PRKN: variants seen among roughly 807,000 people sequenced by gnomAD.
PRKN encodes parkin RBR E3 ubiquitin protein ligase.
A neutral mutation model predicts 59.5 loss-of-function variants in PRKN; 56 were observed. The ratio of observed to expected loss-of-function variants is 0.94; its 90% CI spans 0.76 to 1.18. The LOEUF is 1.18. Ranked by LOEUF, PRKN falls within the 50% of genes most tolerant of loss-of-function variation. The pLI is 0.00. For synonymous variants in PRKN, 250 were observed against 222.1 expected (o/e 1.13, Z -1.12); for missense variants, 657 against 596.4 (o/e 1.10, Z -1.06).
At chr6:161,959,303 C>T (rs1583406438) in intron 6 of PRKN, among the ~76,000 whole-genome samples, 1 of 152,150 alleles carries the variant, frequency 6.6e-6, no homozygotes, top group East Asian at 1.9e-4. Context: ...CACCGAGAGG[C>T]TGAGCGAGCT....
chr6:162,648,923 T>A (rs1778306472), intron 1 of PRKN, among the ~76,000 whole-genome samples: 1 of 152,086 alleles, frequency 6.6e-6, no homozygotes, highest in African/African-American at 2.4e-5. Context: ...CTAAAAAACT[T>A]GGGGGTCCTC....
Position 161,760,175 on chromosome 6 carries a change from T to C in PRKN, c.871+25597A>G, listed in dbSNP as rs942653159. On this transcript the variant is annotated intron_variant, in intron 7 of 11. Transcript: ENST00000366898. The stretch of plus-strand genomic sequence containing the variant: ...TACCCTTTTCCTCAATTTAATTAGT[T>C]AGTGTCACTCACACTTTAACTGGGA... Among the ~76,000 whole-genome samples the C allele has an allele frequency of 3.0e-5, 3 of 99,578 alleles. No homozygotes were observed. In the South Asian group the frequency reaches 9.2e-4, roughly 30 times the overall value. The allele number at this position is 99,578 out of a possible 152,430, so 65.3% of individuals were successfully genotyped here.
chr6:162,017,332 T>C (rs1293416943), intron 5 of PRKN, among the ~76,000 whole-genome samples: 2 of 152,100 alleles, frequency 1.3e-5, no homozygotes, highest in African/African-American at 4.8e-5. Flanking sequence ...CATGTACATG[T>C]TACAATGAGG....
intron 1 of PRKN, among the ~76,000 whole-genome samples, chr6:162,508,929 G>A (rs1307472586): frequency 6.6e-6 from 1 of 152,118 alleles, no homozygotes; most frequent in East Asian, 1.9e-4. Flanking sequence ...AAGAGGCAGA[G>A]AAGACTTCAT....
intron 2 of PRKN, among the ~76,000 whole-genome samples, chr6:162,364,524 G>A (rs1211681194): frequency 6.6e-6 from 1 of 152,190 alleles, no homozygotes; most frequent in Admixed American, 6.5e-5. Context: ...TACTTGGCAA[G>A]TGGGAGGTCA....
intron 10 of PRKN, among the ~76,000 whole-genome samples, chr6:161,366,438 G>A (rs954076900): frequency 6.6e-6 from 1 of 152,194 alleles, no homozygotes; most frequent in Non-Finnish European, 1.5e-5. Flanking sequence ...GCCTAGGGAA[G>A]AGAAAATACC....
At chr6:162,034,180 T>TAGAGAG (rs1417118689) in intron 5 of PRKN, among the ~76,000 whole-genome samples, 42 of 122,806 alleles carry the variant, frequency 3.4e-4, no homozygotes, top group Non-Finnish European at 4.9e-4. Context: ...TATATATATA[T>TAGAGAG]ATATATAGAG....
intron 4 of PRKN, among the ~76,000 whole-genome samples, chr6:162,088,126 G>A (rs528284213): frequency 1.3e-5 from 2 of 152,140 alleles, no homozygotes; most frequent in Non-Finnish European, 2.9e-5. Flanking sequence ...ATTATCCACA[G>A]TCTCATAATT....
intron 1 of PRKN, among the ~76,000 whole-genome samples, chr6:162,651,609 C>T (rs73597968): frequency 0.021 from 3,152 of 152,168 alleles, 114 homozygotes; most frequent in African/African-American, 0.071. Context: ...TGTAAATAAG[C>T]TTTTTAAGGA....
rs1334542214 is a variant in PRKN, at chr6:161,526,317, G to A, written c.1083+22537C>T. Among the ~76,000 whole-genome samples the A allele has an allele frequency of 6.6e-6, 1 of 152,152 alleles. No individual in the cohort carries two copies. Among genetic ancestry groups the A allele is most frequent in the Non-Finnish European group, 1.5e-5 (1 of 68,034 alleles). On this transcript the variant is annotated intron_variant, in intron 9 of 11. Transcript: ENST00000366898. This position sits in a 1 kb window ranked among gnomAD's most constrained non-coding sequence, Gnocchi z 4.1. The stretch of plus-strand genomic sequence containing the variant: ...CATGTGCGTGCACACAAACACACCT[G>A]TTCAACAGATTACAGTTGCTTATTG...
intron 6 of PRKN, among the ~76,000 whole-genome samples, chr6:161,925,404 T>C (rs985419407): frequency 3.9e-5 from 6 of 152,190 alleles, no homozygotes; most frequent in Non-Finnish European, 8.8e-5. Flanking sequence ...ATCCCGTCTC[T>C]ACTAAAAATA....
rs371801466 is a variant in PRKN, at chr6:161,866,482, G to A, written c.735-80574C>T. Among the ~76,000 whole-genome samples, 60 of 152,236 alleles carry A rather than the reference G, an allele frequency of 3.9e-4. 1 individual carries two copies. The South Asian group carries it at 0.012, about 29-fold the overall frequency. On this transcript the variant is annotated intron_variant, in intron 6 of 11. Transcript: ENST00000366898. ...CCCAGCTACTTGGGAGGCTGAGGCA[G>A]GAGAATGACATGAACCCGGGAGGCG... is the stretch of plus-strand genomic sequence containing the variant.
intron 4 of PRKN, among the ~76,000 whole-genome samples, chr6:162,139,836 G>A (rs1231342106): frequency 6.6e-6 from 1 of 151,218 alleles, no homozygotes; most frequent in Non-Finnish European, 1.5e-5. Context: ...CTGCCTGCAA[G>A]CCTACTTTGA....
chr6:162,538,006 A>T (rs1778787448), intron 1 of PRKN, among the ~76,000 whole-genome samples: 1 of 152,324 alleles, frequency 6.6e-6, no homozygotes. Flanking sequence ...TTTTGTTTTG[A>T]TACTGGTATA....
At chr6:162,727,328 C>CGGCGGGGCGCAGGTGAGGGGCGGA in intron 1 of PRKN, 2 of 387,838 alleles carry the variant, frequency 5.2e-6, no homozygotes, top group East Asian at 4.9e-5. Context: ...TGAGGGGCGG[C>CGGCGGGGCGCAGGTGAGGGGCGGA]GGCGGGGAGA....
chr6:161,643,709 A>G (rs1055184370), intron 7 of PRKN, among the ~76,000 whole-genome samples: 1 of 152,230 alleles, frequency 6.6e-6, no homozygotes, highest in Non-Finnish European at 1.5e-5. Context: ...TGTCATCTCA[A>G]AAATTATCTG....
intron 6 of PRKN, among the ~76,000 whole-genome samples, chr6:161,951,470 G>A (rs1256326881): frequency 6.6e-6 from 1 of 152,188 alleles, no homozygotes; most frequent in Non-Finnish European, 1.5e-5. Flanking sequence ...GTGTCCCAAA[G>A]TACAGACACT....
At chr6:161,862,037 CTGCAATCTT>C (rs1393975771) in intron 6 of PRKN, among the ~76,000 whole-genome samples, 1 of 152,196 alleles carries the variant, frequency 6.6e-6, no homozygotes. Context: ...GGCCACATCA[CTGCAATCTT>C]TGCCTCTGTC....
rs147788688 is a variant in PRKN, at chr6:162,430,584, C to CATATAT, written c.171+12720_171+12725dup. 6.5e-3 allele frequency among the ~76,000 whole-genome samples: 969 copies of CATATAT among 150,036 alleles called. 9 individuals are homozygous for CATATAT. Among genetic ancestry groups the CATATAT allele is most frequent in the African/African-American group, 0.018 (723 of 40,960 alleles). On this transcript the variant is annotated intron_variant, in intron 2 of 11. Coordinates refer to ENST00000366898, the MANE Select transcript of PRKN (RefSeq NM_004562.3). The stretch of plus-strand genomic sequence containing the variant: ...AATACAGAATGGGGAAACTGGCTTA[C>CATATAT]ATATATATATATATATCTTGTAAAA...
Sources: allele counts gnomAD v4.1 joint callset (sites outside exome capture counted in the v4.1 genomes callset), GRCh38; gene constraint gnomAD v4.1.1; non-coding constraint Gnocchi (gnomAD v3.1); transcripts MANE v1.5; gene names NCBI Gene and HGNC (gene_info 2026-07-23, HGNC 2026-07-21).